The following KYNU variants were observed in gnomAD, a reference collection of about 807,000 sequenced individuals.
The protein encoded by KYNU is kynureninase, also known as L-kynurenine hydrolase.
A neutral mutation model predicts 59.2 loss-of-function variants in KYNU; 54 were observed. The ratio of observed to expected loss-of-function variants is 0.91; its 90% CI spans 0.73 to 1.14. The LOEUF (loss-of-function observed/expected upper bound fraction) is 1.14, where lower values mean the gene tolerates loss of function less well. Among genes scored for constraint, KYNU ranks in the 50% most tolerant of loss-of-function variants. The pLI, the probability that KYNU is intolerant of heterozygous loss-of-function variation, is 0.00. For synonymous variants in KYNU, 177 were observed against 192.0 expected (o/e 0.92, Z 0.65); for missense variants, 567 against 554.4 (o/e 1.02, Z -0.23).
chr2:142,895,489 C>A (rs1032377752), intron 2 of KYNU, among the ~76,000 whole-genome samples: 1 of 152,290 alleles, frequency 6.6e-6, no homozygotes, highest in African/African-American at 2.4e-5. Flanking sequence ...TAGTATTCTA[C>A]CCCAAGAATG....
intron 11 of KYNU, among the ~76,000 whole-genome samples, chr2:143,029,952 G>C (rs2104913253): frequency 6.6e-6 from 1 of 152,302 alleles, no homozygotes; most frequent in East Asian, 1.9e-4. Context: ...CATCAACATA[G>C]AGTGCCTGAA....
intron 8 of KYNU, among the ~76,000 whole-genome samples, chr2:142,979,826 A>C (rs1685000734): frequency 6.6e-6 from 1 of 152,104 alleles, no homozygotes. Flanking sequence ...TCACCAGAAA[A>C]GGGCTCCCAA....
At chr2:142,950,775 G>T (rs1170157059) in intron 4 of KYNU, among the ~76,000 whole-genome samples, 2 of 152,150 alleles carry the variant, frequency 1.3e-5, no homozygotes, top group Non-Finnish European at 2.9e-5. Context: ...TGGCTGTTTG[G>T]CACAAGAGAC....
intron 11 of KYNU, among the ~76,000 whole-genome samples, chr2:143,032,134 T>C (rs1686765486): frequency 6.6e-6 from 1 of 151,860 alleles, no homozygotes; most frequent in South Asian, 2.1e-4. Context: ...AAAAATTAGC[T>C]GGGCGTGGTG....
chr2:142,877,885 G>C (rs1341197363), intron 1 of KYNU, 149 bp downstream of exon 1: 2 of 151,730 alleles, frequency 1.3e-5, no homozygotes, highest in Non-Finnish European at 2.9e-5. Context: ...TATTCTTTTT[G>C]TAAATAAAAA....
At chr2:142,889,911 G>A (rs1336140296) in intron 2 of KYNU, among the ~76,000 whole-genome samples, 3 of 151,734 alleles carry the variant, frequency 2.0e-5, no homozygotes, top group African/African-American at 7.3e-5. Context: ...AAGTCTACAG[G>A]CATAGCCTGT....
intron 4 of KYNU, among the ~76,000 whole-genome samples, chr2:142,933,811 G>T (rs1683301338): frequency 6.6e-6 from 1 of 152,134 alleles, no homozygotes; most frequent in Admixed American, 6.5e-5. Flanking sequence ...CAAAAAGATG[G>T]GGGCTGTCTC....
intron 4 of KYNU, among the ~76,000 whole-genome samples, chr2:142,938,005 A>G (rs1427234152): frequency 6.6e-6 from 1 of 152,232 alleles, no homozygotes; most frequent in Non-Finnish European, 1.5e-5. Context: ...AAAATAGCAT[A>G]ATAGTGGATT....
intron 12 of KYNU, among the ~76,000 whole-genome samples, chr2:143,035,504 T>G (rs1040657149): frequency 2.0e-5 from 3 of 152,254 alleles, no homozygotes; most frequent in African/African-American, 7.2e-5. Context: ...TTAAAATGTC[T>G]TATTTTCTAG....
chr2:142,922,319 G>A (rs905833970), intron 3 of KYNU, among the ~76,000 whole-genome samples: 1 of 152,070 alleles, frequency 6.6e-6, no homozygotes, highest in Non-Finnish European at 1.5e-5. Flanking sequence ...TGGGCAACAT[G>A]GTAAAACCCT....
chr2:142,965,550 A>G (rs1439663863), intron 8 of KYNU, among the ~76,000 whole-genome samples: 1 of 152,148 alleles, frequency 6.6e-6, no homozygotes, highest in East Asian at 1.9e-4. Flanking sequence ...GTCACAAGAT[A>G]TTTGTCTCAA....
rs1687091994 is a variant in KYNU at position 143,042,634 on chromosome 2, GT to G, written c.*463del. 1.2e-5 allele frequency: 1 copy of G among 82,116 alleles called. No individual in the cohort carries two copies. Among genetic ancestry groups the G allele is most frequent in the Admixed American group, 1.3e-4 (1 of 7,434 alleles). The allele number at this position is 82,116 out of a possible 1,614,324, so 5.1% of individuals were successfully genotyped here. A position where few individuals can be genotyped will look rare whatever the true frequency, so the allele number is the denominator to read the frequency against. ...TATATATATATATATATATATATGT[GT>G]GTGTGTGTGTGTGTATATATATATA... On this transcript the variant is annotated 3_prime_UTR_variant, in exon 14 of 14. Coordinates refer to ENST00000264170, the MANE Select transcript of KYNU (RefSeq NM_003937.3).
At position 143,047,111 on chromosome 2, in the gene KYNU, C is replaced by T. The variant is rs1390684866; in HGVS notation, c.*4939C>T. ...ACAGGGTCTCCCTCTGTCACCCAGGCTGGAGTGTACTGATGTGATTATAGC... is the reference window on the plus strand; with the variant it reads ...ACAGGGTCTCCCTCTGTCACCCAGGTTGGAGTGTACTGATGTGATTATAGC... On this transcript the variant is annotated 3_prime_UTR_variant, in exon 14 of 14. Coordinates refer to ENST00000264170, the MANE Select transcript of KYNU (RefSeq NM_003937.3). 2 of 152,158 alleles carry T rather than the reference C, an allele frequency of 1.3e-5. No homozygotes were observed. Among genetic ancestry groups the T allele is most frequent in the Non-Finnish European group, 2.9e-5 (2 of 68,028 alleles). The allele number at this position is 152,158 out of a possible 1,614,324, so 9.4% of individuals were successfully genotyped here. A position where few individuals can be genotyped will look rare whatever the true frequency, so the allele number is the denominator to read the frequency against.
intron 4 of KYNU, among the ~76,000 whole-genome samples, chr2:142,950,260 G>T (rs1683943085): frequency 6.6e-6 from 1 of 152,182 alleles, no homozygotes; most frequent in Non-Finnish European, 1.5e-5. Flanking sequence ...ATGTTACCCA[G>T]TTCCAAAGTT....
chr2:142,969,342 G>A (rs1241819472), intron 8 of KYNU, among the ~76,000 whole-genome samples: 1 of 152,114 alleles, frequency 6.6e-6, no homozygotes, highest in African/African-American at 2.4e-5. Context: ...TTTGATGTAG[G>A]GGAAAATGAC....
chr2:142,967,111 CTT>C (rs1684570469), intron 8 of KYNU, among the ~76,000 whole-genome samples: 1 of 152,066 alleles, frequency 6.6e-6, no homozygotes, highest in African/African-American at 2.4e-5. Context: ...AGCACAAACT[CTT>C]TGTACTCCTC....
At chr2:142,905,369 C>T (rs1357269232) in intron 2 of KYNU, among the ~76,000 whole-genome samples, 1 of 152,192 alleles carries the variant, frequency 6.6e-6, no homozygotes, top group Non-Finnish European at 1.5e-5. Flanking sequence ...AACTCTTCTT[C>T]CACAAGAGTC....
intron 3 of KYNU, among the ~76,000 whole-genome samples, chr2:142,925,021 T>C (rs1039457850): frequency 5.3e-5 from 8 of 152,150 alleles, no homozygotes; most frequent in African/African-American, 1.4e-4. Flanking sequence ...TCCTTAAAGA[T>C]TATTACCACG....
chr2:143,054,301 G>A lies in KYNU; in HGVS notation c.*12129G>A, dbSNP rs1008508955. 4.0e-5 allele frequency: 6 copies of A among 151,698 alleles called. No individual in the cohort carries two copies. The highest frequency in any genetic ancestry group is 7.4e-5 in the Non-Finnish European group (5 of 67,918). The allele number at this position is 151,698 out of a possible 1,614,324, so 9.4% of individuals were successfully genotyped here. ...TTTTTTACATAATAGAGCTATAAAG[G>A]CAATTCACAATTCTCTCTTTTCTCA... On this transcript the variant is annotated 3_prime_UTR_variant, in exon 14 of 14. Transcript: ENST00000264170.
Sources: allele counts gnomAD v4.1 joint callset (sites outside exome capture counted in the v4.1 genomes callset), GRCh38; gene constraint gnomAD v4.1.1; transcripts MANE v1.5; gene names NCBI Gene and HGNC (gene_info 2026-07-23, HGNC 2026-07-21).